The following MARK2 variants were observed in gnomAD, a reference collection of about 807,000 sequenced individuals.
MARK2 encodes microtubule affinity regulating kinase 2.
In MARK2, 16 loss-of-function variants were observed where a neutral mutation model predicts 89.8. That is an observed-to-expected ratio of 0.18 (90% confidence interval 0.12 to 0.27). The LOEUF (loss-of-function observed/expected upper bound fraction) is 0.27, where lower values mean the gene tolerates loss of function less well. Among genes scored for constraint, MARK2 ranks in the 10% least tolerant of loss-of-function variants. The probability of loss-of-function intolerance (pLI) is 1.00; values close to 1 mark genes in which losing one functional copy is unlikely to be tolerated. For synonymous variants in MARK2, 382 were observed against 399.5 expected (o/e 0.96, Z 0.52); for missense variants, 621 against 1,049.9 (o/e 0.59, Z 5.65).
At chr11:63,894,656 A>G (rs749154262) in intron 1 of MARK2, among the ~76,000 whole-genome samples, 3 of 152,200 alleles carry the variant, frequency 2.0e-5, no homozygotes, top group Non-Finnish European at 4.4e-5. Context: ...AGATCGCACC[A>G]TTGCACTCCA....
chr11:63,879,492 A>G (rs150342333), intron 1 of MARK2, among the ~76,000 whole-genome samples: 55 of 152,000 alleles, frequency 3.6e-4, no homozygotes, highest in Admixed American at 7.9e-4. Context: ...TGGGTTCTCC[A>G]TGTCAGCTGA....
At chr11:63,865,510 A>G (rs1427103378) in intron 1 of MARK2, among the ~76,000 whole-genome samples, 1 of 152,080 alleles carries the variant, frequency 6.6e-6, no homozygotes, top group African/African-American at 2.4e-5. Context: ...TTTATCTCTC[A>G]ACAGAGGTAG....
At chr11:63,898,150 A>C in intron 3 of MARK2, 82 bp from the exon 4 acceptor site, 1 of 1,298,762 alleles carries the variant, frequency 7.7e-7, no homozygotes, top group South Asian at 1.2e-5. Flanking sequence ...TTTTGGGAAA[A>C]ACAAATCCTG....
chr11:63,895,655 TC>T (rs1312781317), intron 3 of MARK2, 22 bp downstream of exon 3: 4 of 1,322,396 alleles, frequency 3.0e-6, no homozygotes, highest in African/African-American at 3.4e-5. Flanking sequence ...GCACCTCCTG[TC>T]CCTTTTTTTT....
intron 1 of MARK2, chr11:63,890,317 C>T (rs1471792293): frequency 2.3e-6 from 3 of 1,319,422 alleles, no homozygotes; most frequent in Non-Finnish European, 3.0e-6. Flanking sequence ...AAGGATTGAG[C>T]ACTTGGAGTC....
At chr11:63,867,202 G>T (rs560958535) in intron 1 of MARK2, among the ~76,000 whole-genome samples, 1 of 152,102 alleles carries the variant, frequency 6.6e-6, no homozygotes. Flanking sequence ...AATGTTTTGC[G>T]TTTTTTGTAG....
chr11:63,906,819 G>T (rs879574978), intron 17 of MARK2, among the ~76,000 whole-genome samples: 2 of 51,374 alleles, frequency 3.9e-5, no homozygotes, highest in African/African-American at 1.6e-4. Context: ...CCACCCACCC[G>T]CACCCCTGCC....
At chr11:63,874,918 G>C (rs1412024432) in intron 1 of MARK2, among the ~76,000 whole-genome samples, 1 of 152,124 alleles carries the variant, frequency 6.6e-6, no homozygotes, top group African/African-American at 2.4e-5. Flanking sequence ...TTCCCATGGG[G>C]TAGGGCTTTC....
chr11:63,904,736 C>T lies in MARK2; in HGVS notation c.1677-50C>T. On this transcript the variant is annotated intron_variant, in intron 15 of 18. Coordinates refer to ENST00000402010, the MANE Select transcript of MARK2 (RefSeq NM_001039469.3). This position sits in a 1 kb window ranked among gnomAD's most constrained non-coding sequence, Gnocchi z 6.3. ...AGGGTGTCCAGGTGCCCAGTGATGG[C>T]TGTCCTGTACCCTAATTCGTCCCCC... The T allele has an allele frequency of 6.3e-7, 1 of 1,576,062 alleles. No individual in the cohort carries two copies. The highest frequency in any genetic ancestry group is 1.1e-5 in the South Asian group (1 of 88,836).
chr11:63,863,871 C>T (rs550143800), intron 1 of MARK2, among the ~76,000 whole-genome samples: 1 of 152,242 alleles, frequency 6.6e-6, no homozygotes, highest in South Asian at 2.1e-4. Flanking sequence ...CTCCTGGACT[C>T]ACACAGTCCT....
chr11:63,848,162 C>T (rs1189172391), intron 1 of MARK2, among the ~76,000 whole-genome samples: 1 of 152,154 alleles, frequency 6.6e-6, no homozygotes, highest in Non-Finnish European at 1.5e-5. Flanking sequence ...ATTTCCCAGT[C>T]TCCCAGCTAA....
At chr11:63,852,865 C>T (rs1029093074) in intron 1 of MARK2, among the ~76,000 whole-genome samples, 10 of 152,080 alleles carry the variant, frequency 6.6e-5, no homozygotes, top group African/African-American at 1.2e-4. Flanking sequence ...ATATTTTATG[C>T]GTACGTACTA....
chr11:63,895,646 C>A lies in MARK2; in HGVS notation c.288+13C>A. 6.6e-7 allele frequency: 1 copy of A among 1,525,634 alleles called. No individual in the cohort carries two copies. Among genetic ancestry groups the A allele is most frequent in the Non-Finnish European group, 9.0e-7 (1 of 1,106,344 alleles). The allele number at this position is 1,525,634 out of a possible 1,614,324, so 94.5% of individuals were successfully genotyped here. A position where few individuals can be genotyped will look rare whatever the true frequency, so the allele number is the denominator to read the frequency against. ...CAGCCTCCAGAAAGTAAGCACATGG[C>A]ACCTCCTGTCCCTTTTTTTTTTTTT... is the stretch of plus-strand genomic sequence containing the variant. On this transcript the variant is annotated intron_variant, in intron 3 of 18. Coordinates refer to ENST00000402010, the MANE Select transcript of MARK2 (RefSeq NM_001039469.3).
intron 1 of MARK2, among the ~76,000 whole-genome samples, chr11:63,853,593 G>GT (rs1275708723): frequency 2.0e-5 from 3 of 152,186 alleles, no homozygotes; most frequent in African/African-American, 7.2e-5. Context: ...TATTCAAAGG[G>GT]TTGAATAACT....
intron 1 of MARK2, chr11:63,882,835 A>G (rs561423246): frequency 6.6e-6 from 1 of 152,562 alleles, no homozygotes; most frequent in Non-Finnish European, 1.5e-5. Flanking sequence ...AAGAACATAT[A>G]TACTAGGCAA....
rs147960711 is a variant in MARK2, at chr11:63,894,468, G to A, written c.55-691G>A. Among the ~76,000 whole-genome samples, 480 of 152,244 alleles carry A rather than the reference G, an allele frequency of 3.2e-3. 2 individuals carry two copies. The highest frequency in any genetic ancestry group is 9.2e-3 in the African/African-American group (382 of 41,540). On this transcript the variant is annotated intron_variant, in intron 1 of 18. Coordinates refer to ENST00000402010, the MANE Select transcript of MARK2 (RefSeq NM_001039469.3). ...TTCCAGCACTTTGGGAGGCCAAGGCGGGCGGATCACCTGAGATCAGGAGTT... is the reference window on the plus strand; with the variant it reads ...TTCCAGCACTTTGGGAGGCCAAGGCAGGCGGATCACCTGAGATCAGGAGTT...
At position 63,883,107 on chromosome 11, in the gene MARK2, G is replaced by C. The variant is rs181128659; in HGVS notation, c.55-12052G>C. ...ATAAAGTGCGAGGCTGGCAGTGTGA[G>C]CTTCCCTCAGCCCTTGGCACCATGT... On this transcript the variant is annotated intron_variant, in intron 1 of 18. Coordinates refer to ENST00000402010, the MANE Select transcript of MARK2 (RefSeq NM_001039469.3). Among the ~76,000 whole-genome samples the C allele has an allele frequency of 9.5e-4, 145 of 152,336 alleles. 2 individuals are homozygous for C. The highest frequency in any genetic ancestry group is 9.2e-3 in the Admixed American group (140 of 15,294).
intron 1 of MARK2, among the ~76,000 whole-genome samples, chr11:63,873,887 TC>T (rs1938595974): frequency 6.6e-6 from 1 of 152,232 alleles, no homozygotes; most frequent in East Asian, 1.9e-4. Context: ...ACTCAGGTGA[TC>T]CGCCTGCCTC....
chr11:63,883,168 T>C (rs1939198263), intron 1 of MARK2, among the ~76,000 whole-genome samples: 1 of 152,136 alleles, frequency 6.6e-6, no homozygotes, highest in South Asian at 2.1e-4. Context: ...GGACCTTTTC[T>C]GGGAGGAGGG....
Sources: gnomAD v4.1 joint callset for allele counts (sites outside exome capture counted in the v4.1 genomes callset) on GRCh38, gnomAD v4.1.1 for gene constraint, Gnocchi (gnomAD v3.1) non-coding constraint, MANE v1.5 for transcripts, NCBI Gene and HGNC (gene_info 2026-07-23, HGNC 2026-07-21) for gene names.